The following ITGAV variants were observed in gnomAD, a reference collection of about 807,000 sequenced individuals.
ITGAV encodes integrin alpha-V.
ITGAV carries 76 observed loss-of-function variants against 143.8 expected under a neutral mutation model. The observed-to-expected ratio is 0.53, with a 90% CI of 0.44 to 0.64. The LOEUF (loss-of-function observed/expected upper bound fraction) is 0.64. Among genes scored for constraint, ITGAV ranks in the 30% least tolerant of loss-of-function variants. The pLI is 0.00. For synonymous variants in ITGAV, 453 were observed against 446.7 expected (o/e 1.01, Z -0.18); for missense variants, 1,193 against 1,274.7 (o/e 0.94, Z 0.98).
chr2:186,621,366 T>C (rs544517320), intron 2 of ITGAV, among the ~76,000 whole-genome samples: 1 of 152,306 alleles, frequency 6.6e-6, no homozygotes, highest in Non-Finnish European at 1.5e-5. Flanking sequence ...CATTTTCTTA[T>C]GTAAGTACAA....
intron 10 of ITGAV, among the ~76,000 whole-genome samples, 156 bp downstream of exon 10, chr2:186,638,621 C>G (rs541276398): frequency 7.8e-6 from 1 of 128,468 alleles, no homozygotes; most frequent in African/African-American, 2.8e-5. Flanking sequence ...ATTATCATTT[C>G]TCTTTTGAGC....
chr2:186,661,891 A>G (rs1021323590), intron 18 of ITGAV, among the ~76,000 whole-genome samples: 11 of 151,988 alleles, frequency 7.2e-5, no homozygotes, highest in African/African-American at 2.4e-4. Flanking sequence ...CACCGTACCC[A>G]GCCTCAAATA....
intron 4 of ITGAV, among the ~76,000 whole-genome samples, chr2:186,627,497 C>A (rs762107339): frequency 6.6e-6 from 1 of 152,150 alleles, no homozygotes; most frequent in East Asian, 1.9e-4. Flanking sequence ...TGAAAACATG[C>A]GTTCTAACAA....
chr2:186,661,328 A>G (rs1465802318), intron 18 of ITGAV, among the ~76,000 whole-genome samples: 2 of 152,194 alleles, frequency 1.3e-5, no homozygotes, highest in Non-Finnish European at 1.5e-5. Context: ...TTTTGTAGTA[A>G]GAGAATTAAG....
intron 12 of ITGAV, among the ~76,000 whole-genome samples, chr2:186,644,817 G>GT (rs1176079902): frequency 1.5e-5 from 2 of 133,384 alleles, no homozygotes. Flanking sequence ...CAGCATATAT[G>GT]TTTAAAAAAA....
chr2:186,649,955 A>T (rs1275307392), intron 14 of ITGAV, 70 bp downstream of exon 14: 1 of 1,021,952 alleles, frequency 9.8e-7, no homozygotes, highest in Non-Finnish European at 1.4e-6. Flanking sequence ...ATTAAGTGTC[A>T]GTGTTTGAAT....
chr2:186,625,335 G>A, intron 3 of ITGAV, 138 bp from the exon 4 acceptor site: 2 of 618,212 alleles, frequency 3.2e-6, no homozygotes, highest in Non-Finnish European at 5.8e-6. Context: ...TCACGTCACT[G>A]CACTCCAGCC....
chr2:186,669,525 A>G (rs962993880), intron 25 of ITGAV, among the ~76,000 whole-genome samples, 176 bp from the exon 26 acceptor site: 2 of 152,062 alleles, frequency 1.3e-5, no homozygotes, highest in Non-Finnish European at 2.9e-5. Flanking sequence ...CATATTAAAG[A>G]CTCTAATCTT....
rs776699083 is a variant in ITGAV at position 186,641,402 on chromosome 2, A to T, written c.973A>T (p.Ile325Phe). Residue 325 changes from isoleucine to phenylalanine, a missense_variant, in exon 12 of 30, where the codon ATT becomes TTT. Coordinates refer to ENST00000261023, the MANE Select transcript of ITGAV (RefSeq NM_002210.5). ...INGDDYADVF[I>F]GAPLFMDRGS... ...TTCTTCTAGTTATGCAGATGTGTTT[A>T]TTGGAGCACCTCTCTTCATGGATCG... 8.1e-6 allele frequency: 13 copies of T among 1,613,926 alleles called. No individual in the cohort carries two copies. In the East Asian group the frequency reaches 2.9e-4, roughly 36 times the overall value.
rs746931798 is a variant in ITGAV, at chr2:186,675,917, A to G, written c.2918A>G (p.Asn973Ser). ...AATCTTCCAATTGAGGATATCACCA[A>G]CTCCACATTGGTAAGTCATTGGTTT... The part of the protein sequence containing the change: ...YKNLPIEDIT[N>S]STLVTTNVTW... The change falls in exon 28 of 30, where the codon AAC becomes AGC. Residue 973 changes from asparagine to serine, a missense_variant. Physicochemically the swap from Asn to Ser is conservative, Grantham distance 46. Transcript: ENST00000261023. 1.4e-5 allele frequency: 22 copies of G among 1,549,294 alleles called. No homozygotes were observed. Among genetic ancestry groups the G allele is most frequent in the South Asian group, 5.6e-5 (5 of 89,288 alleles).
intron 1 of ITGAV, among the ~76,000 whole-genome samples, chr2:186,597,735 C>T (rs1319525526): frequency 1.3e-5 from 2 of 152,160 alleles, no homozygotes; most frequent in Non-Finnish European, 2.9e-5. Flanking sequence ...CTGAGCTCTG[C>T]CTCCTGTCAG....
rs1445405754 is a variant in ITGAV at position 186,646,876 on chromosome 2, A to T, written c.1350A>T (p.Pro450=). The T allele has an allele frequency of 6.4e-7, 1 of 1,573,718 alleles. No individual in the cohort carries two copies. The highest frequency in any genetic ancestry group is 8.7e-7 in the Non-Finnish European group (1 of 1,153,674). ...CAGATATAGACAAAAATGGATATCCAGGTGCTTTCTTATCAACACATAGAG... is the reference window on the plus strand; with the variant it reads ...CAGATATAGACAAAAATGGATATCCTGGTGCTTTCTTATCAACACATAGAG... ...GATDIDKNGY[P]DLIVGAFGVD... is the part of the protein sequence containing the mutation. Residue 450 remains proline, a splice_region_variant and synonymous_variant, in exon 13 of 30, where the codon CCA becomes CCT. Transcript: ENST00000261023.
In ITGAV at chr2:186,625,626, G is replaced by A; in HGVS notation, c.523+39G>A. The A allele has an allele frequency of 2.9e-6, 4 of 1,374,664 alleles. No individual in the cohort carries two copies. The South Asian group carries it at 3.6e-5, about 12-fold the overall frequency. The allele number at this position is 1,374,664 out of a possible 1,614,324, so 85.2% of individuals were successfully genotyped here. On this transcript the variant is annotated intron_variant, in intron 4 of 29. Transcript: ENST00000261023. ...ATTGTACCAGCTTTTAAGAAGAGGG[G>A]TGGGAAGCCTAGTTTGTTAAAAATA...
At chr2:186,659,472 A>G (rs971479274) in intron 18 of ITGAV, among the ~76,000 whole-genome samples, 1 of 152,048 alleles carries the variant, frequency 6.6e-6, no homozygotes, top group African/African-American at 2.4e-5. Flanking sequence ...GTTTGTTTAC[A>G]TAGTATTTTA....
At chr2:186,606,746 T>C (rs1002920562) in intron 2 of ITGAV, among the ~76,000 whole-genome samples, 5 of 152,172 alleles carry the variant, frequency 3.3e-5, no homozygotes, top group African/African-American at 9.7e-5. Flanking sequence ...GATTTTTGAA[T>C]ACATATTGTG....
intron 1 of ITGAV, among the ~76,000 whole-genome samples, chr2:186,591,107 A>G (rs1335730315): frequency 6.6e-6 from 1 of 152,272 alleles, no homozygotes; most frequent in Admixed American, 6.5e-5. Flanking sequence ...ACTGTCAGAC[A>G]TTTGCACATT....
rs58626242 is a variant in ITGAV, at chr2:186,626,046, T to A, written c.523+459T>A. On this transcript the variant is annotated intron_variant, in intron 4 of 29. Transcript: ENST00000261023. Reference sequence around the variant, plus strand: ...AACTCCTGCTTTATATTAATAATGATGTTGAAAATAAAGAATATTATGTCT... The same window carrying A: ...AACTCCTGCTTTATATTAATAATGAAGTTGAAAATAAAGAATATTATGTCT... Among the ~76,000 whole-genome samples, 440 of 152,272 alleles carry A rather than the reference T, an allele frequency of 2.9e-3. 4 individuals carry two copies. The highest frequency in any genetic ancestry group is 0.01 in the African/African-American group (423 of 41,554).
chr2:186,600,248 T>C, intron 1 of ITGAV: 1 of 1,252,760 alleles, frequency 8.0e-7, no homozygotes, highest in Non-Finnish European at 1.1e-6. Flanking sequence ...CCAGGGTCTT[T>C]CTACCTCTGC....
intron 13 of ITGAV, among the ~76,000 whole-genome samples, chr2:186,648,875 A>C (rs1688337328): frequency 6.6e-6 from 1 of 150,922 alleles, no homozygotes; most frequent in African/African-American, 2.4e-5. Context: ...GTTGATTCTT[A>C]ACTATAGATT....
Sources: allele counts gnomAD v4.1 joint callset (sites outside exome capture counted in the v4.1 genomes callset), GRCh38; gene constraint gnomAD v4.1.1; transcripts MANE v1.5; gene names NCBI Gene and HGNC (gene_info 2026-07-23, HGNC 2026-07-21).